Variants in VWA8 observed in about 807,000 individuals in gnomAD.
VWA8 encodes von Willebrand factor A domain containing 8, also known as von Willebrand factor A domain-containing protein 8.
A neutral mutation model predicts 241.5 loss-of-function variants in VWA8; 221 were observed. The observed-to-expected ratio is 0.91, with a 90% CI of 0.82 to 1.02. VWA8 has a LOEUF of 1.02. Ranked by LOEUF, VWA8 falls within the 50% of genes least tolerant of loss-of-function variation. The pLI is 0.00. For synonymous variants in VWA8, 852 were observed against 827.1 expected (o/e 1.03, Z -0.52); for missense variants, 2,322 against 2,328.7 (o/e 1.00, Z 0.06).
chr13:41,641,994 T>C (rs2044798651), intron 37 of VWA8, among the ~76,000 whole-genome samples: 1 of 152,228 alleles, frequency 6.6e-6, no homozygotes, highest in Non-Finnish European at 1.5e-5. Context: ...GTGCCTACAA[T>C]AGTTCTGGTT....
intron 21 of VWA8, among the ~76,000 whole-genome samples, chr13:41,739,667 T>A (rs540671672): frequency 6.6e-6 from 1 of 152,148 alleles, no homozygotes; most frequent in Non-Finnish European, 1.5e-5. Flanking sequence ...AGTGTTTAAG[T>A]TTTCTACCAT....
chr13:41,934,896 C>A (rs528753731), intron 2 of VWA8, among the ~76,000 whole-genome samples: 3 of 151,984 alleles, frequency 2.0e-5, no homozygotes, highest in Non-Finnish European at 4.4e-5. Context: ...CAGTGTATTG[C>A]ATGTCAGTTA....
At chr13:41,642,026 A>G (rs2139681964) in intron 37 of VWA8, among the ~76,000 whole-genome samples, 1 of 152,290 alleles carries the variant, frequency 6.6e-6, no homozygotes, top group Admixed American at 6.5e-5. Flanking sequence ...TCTCAGCATA[A>G]TTATTAAAAT....
chr13:41,822,298 C>T (rs1303646415), intron 14 of VWA8, among the ~76,000 whole-genome samples: 1 of 152,092 alleles, frequency 6.6e-6, no homozygotes, highest in African/African-American at 2.4e-5. Flanking sequence ...TGGAAGGATT[C>T]TATAAATACA....
At chr13:41,707,171 T>C (rs9590628) in intron 26 of VWA8, among the ~76,000 whole-genome samples, 7,036 of 152,228 alleles carry the variant, frequency 0.046, 214 homozygotes, top group Admixed American at 0.086. Context: ...CACATACAAT[T>C]CATAACATGA....
At chr13:41,635,459 C>T (rs1413483145) in intron 37 of VWA8, among the ~76,000 whole-genome samples, 1 of 152,178 alleles carries the variant, frequency 6.6e-6, no homozygotes, top group Non-Finnish European at 1.5e-5. Context: ...AAAACTATGT[C>T]CATACGTAAT....
At chr13:41,915,220 A>C (rs1876194747) in intron 2 of VWA8, among the ~76,000 whole-genome samples, 4 of 152,190 alleles carry the variant, frequency 2.6e-5, no homozygotes, top group Admixed American at 6.5e-5. Flanking sequence ...ATTATGTATA[A>C]TCATGTTTAT....
At position 41,603,719 on chromosome 13, in the gene VWA8, A is replaced by T. The variant is rs577685464; in HGVS notation, c.4986+1449T>A. Among the ~76,000 whole-genome samples, 6 of 152,164 alleles carry T rather than the reference A, an allele frequency of 3.9e-5. No individual in the cohort carries two copies. In the East Asian group the frequency reaches 1.2e-3, roughly 30 times the overall value. On this transcript the variant is annotated intron_variant, in intron 40 of 44. Coordinates refer to ENST00000379310, the MANE Select transcript of VWA8 (RefSeq NM_015058.2). The stretch of plus-strand genomic sequence containing the variant: ...CCACCAGGGTGTGCTTTTCTCAGCC[A>T]TACCAAATACTCTGTCCTTCTCTGA...
At chr13:41,619,735 T>C (rs1039414957) in intron 37 of VWA8, among the ~76,000 whole-genome samples, 5 of 152,214 alleles carry the variant, frequency 3.3e-5, no homozygotes, top group African/African-American at 9.7e-5. Context: ...AATCATGTGA[T>C]TTTTGTCTTT....
chr13:41,887,189 T>C lies in VWA8; in HGVS notation c.816+8A>G. ...TTTAACAAATAAATTATCCTTGGTC[T>C]TACTTACCTTGAAGGGTAAATAATA... On this transcript the variant is annotated splice_region_variant and intron_variant, in intron 6 of 44. Transcript: ENST00000379310. The C allele has an allele frequency of 6.2e-7, 1 of 1,604,594 alleles. No homozygotes were observed. Among genetic ancestry groups the C allele is most frequent in the Non-Finnish European group, 8.5e-7 (1 of 1,177,848 alleles).
At chr13:41,873,739 A>G (rs1038782278) in intron 9 of VWA8, among the ~76,000 whole-genome samples, 4 of 152,196 alleles carry the variant, frequency 2.6e-5, no homozygotes, top group Non-Finnish European at 2.9e-5. Flanking sequence ...ATTCACAGCC[A>G]AATTCTACCA....
chr13:41,571,099 CATT>C (rs2044298364), intron 43 of VWA8, among the ~76,000 whole-genome samples: 1 of 152,142 alleles, frequency 6.6e-6, no homozygotes, highest in Non-Finnish European at 1.5e-5. Flanking sequence ...ATACTAAAAA[CATT>C]GTACTCACGT....
At chr13:41,944,568 C>A (rs1455979428) in intron 2 of VWA8, among the ~76,000 whole-genome samples, 1 of 152,160 alleles carries the variant, frequency 6.6e-6, no homozygotes. Flanking sequence ...CCACCTTAGC[C>A]TCCCAAAGTG....
chr13:41,618,533 T>A (rs893149432), intron 37 of VWA8, among the ~76,000 whole-genome samples: 1 of 152,142 alleles, frequency 6.6e-6, no homozygotes, highest in Non-Finnish European at 1.5e-5. Flanking sequence ...GGTGTTTTCG[T>A]CATGGAGTCC....
At chr13:41,930,540 A>G (rs1036333285) in intron 2 of VWA8, among the ~76,000 whole-genome samples, 2 of 152,330 alleles carry the variant, frequency 1.3e-5, no homozygotes, top group Admixed American at 1.3e-4. Context: ...TTAATTCAAA[A>G]TACTCTAAAA....
At chr13:41,880,400 C>G (rs1363431224) in intron 9 of VWA8, among the ~76,000 whole-genome samples, 1 of 152,054 alleles carries the variant, frequency 6.6e-6, no homozygotes, top group African/African-American at 2.4e-5. Context: ...TTCCTGAAAA[C>G]AAGAACTGTG....
At chr13:41,931,420 G>A (rs1243790860) in intron 2 of VWA8, among the ~76,000 whole-genome samples, 1 of 151,754 alleles carries the variant, frequency 6.6e-6, no homozygotes, top group Non-Finnish European at 1.5e-5. Flanking sequence ...GGGGTGGGTA[G>A]GAAATGGGGA....
At chr13:41,890,476 T>C (rs998799869) in intron 5 of VWA8, among the ~76,000 whole-genome samples, 1 of 152,230 alleles carries the variant, frequency 6.6e-6, no homozygotes, top group East Asian at 1.9e-4. Flanking sequence ...CTTCTTGTCA[T>C]TTGTGACATT....
At chr13:41,783,568 G>A (rs1283090986) in intron 19 of VWA8, among the ~76,000 whole-genome samples, 1 of 151,584 alleles carries the variant, frequency 6.6e-6, no homozygotes, top group East Asian at 1.9e-4. Flanking sequence ...AACCTGGGAG[G>A]TGGAGGTTGC....
Sources: gnomAD v4.1 joint callset for allele counts (sites outside exome capture counted in the v4.1 genomes callset) on GRCh38, gnomAD v4.1.1 for gene constraint, MANE v1.5 for transcripts, NCBI Gene and HGNC (gene_info 2026-07-23, HGNC 2026-07-21) for gene names.